The following DMD variants were observed in gnomAD, a reference collection of about 807,000 sequenced individuals.
DMD encodes the protein mutant dystrophin.
A neutral mutation model predicts 330.1 loss-of-function variants in DMD; 63 were observed. The observed-to-expected ratio is 0.19, with a 90% CI of 0.16 to 0.24. The LOEUF is 0.24. Among genes scored for constraint, DMD ranks in the 10% least tolerant of loss-of-function variants. The probability of loss-of-function intolerance (pLI) is 1.00; values close to 1 mark genes in which losing one functional copy is unlikely to be tolerated. For missense variants in DMD, 3,344 were observed against 2,684.1 expected (o/e 1.25, Z -5.43); for synonymous variants, 1,223 against 959.8 (o/e 1.27, Z -5.07).
intron 62 of DMD, among the ~76,000 whole-genome samples, chrX:31,317,592 T>C (rs761294508): frequency 2.8e-5 from 3 of 105,885 alleles, no homozygotes; most frequent in Non-Finnish European, 5.8e-5. Flanking sequence ...GTCCACTGCA[T>C]GCTCCGCTTC....
At chrX:33,096,116 A>G (rs2095158917) in intron 1 of DMD, among the ~76,000 whole-genome samples, 1 of 108,595 alleles carries the variant, frequency 9.2e-6, no homozygotes, top group Admixed American at 9.9e-5. Flanking sequence ...CTGGGTCTAC[A>G]GGCGCCTGCC....
At position 32,390,116 on chromosome X, in the gene DMD, C is replaced by G. The variant is rs1174990294; in HGVS notation, c.4299G>C (p.Gly1433=). 1 of 1,208,944 alleles carries G rather than the reference C, an allele frequency of 8.3e-7. No homozygotes were observed. Among genetic ancestry groups the G allele is most frequent in the African/African-American group, 1.8e-5 (1 of 57,131 alleles). The stretch of plus-strand genomic sequence containing the variant: ...ACAGGACTCTTTGGGCAGCCTCCTT[C>G]CCCTGATTATGTTTCTTCATTTCTT... ...SLEEMKKHNQ[G]KEAAQRVLSQ... Residue 1433 remains glycine, a synonymous_variant, in exon 31 of 79, where the codon GGG becomes GGC. Coordinates refer to ENST00000357033, the MANE Select transcript of DMD (RefSeq NM_004006.3).
intron 55 of DMD, among the ~76,000 whole-genome samples, chrX:31,545,673 T>C (rs1282319082): frequency 1.8e-5 from 2 of 111,973 alleles, no homozygotes; most frequent in Non-Finnish European, 3.8e-5. Context: ...TTGACTGCTC[T>C]GGACTTTACC....
intron 1 of DMD, among the ~76,000 whole-genome samples, chrX:33,059,848 C>A (rs2094561550): frequency 8.9e-6 from 1 of 111,769 alleles, no homozygotes; most frequent in Non-Finnish European, 1.9e-5. Flanking sequence ...CCCTTCATTT[C>A]ATATTTTTAT....
intron 2 of DMD, among the ~76,000 whole-genome samples, chrX:32,985,496 C>A (rs1160233474): frequency 9.0e-6 from 1 of 110,752 alleles, no homozygotes; most frequent in Non-Finnish European, 1.9e-5. Flanking sequence ...TTTCTGAATA[C>A]CTACCATAAC....
chrX:32,667,548 G>A (rs897358541), intron 9 of DMD, among the ~76,000 whole-genome samples: 1 of 111,146 alleles, frequency 9.0e-6, no homozygotes, highest in Non-Finnish European at 1.9e-5. Context: ...CATTCTTCTA[G>A]TTTTATGGAG....
intron 45 of DMD, among the ~76,000 whole-genome samples, chrX:31,953,408 A>G (rs1352413145): frequency 8.9e-6 from 1 of 112,400 alleles, no homozygotes; most frequent in Admixed American, 9.4e-5. Flanking sequence ...TTCTACCTTG[A>G]TAGAACTATT....
At chrX:33,229,750 G>C (rs767618189) in intron 1 of DMD, among the ~76,000 whole-genome samples, 2 of 111,499 alleles carry the variant, frequency 1.8e-5, no homozygotes, top group South Asian at 7.4e-4. Flanking sequence ...TATCAGGCTT[G>C]TACTTTTCCG....
chrX:31,314,779 A>AGAGAGAGAGAGAGAGTGT lies in DMD; in HGVS notation c.9224+8818_9224+8819insACACTCTCTCTCTCTCTC, dbSNP rs1225831523. Among the ~76,000 whole-genome samples, 217 of 93,438 alleles carry AGAGAGAGAGAGAGAGTGT rather than the reference A, an allele frequency of 2.3e-3. 1 individual carries two copies. Among genetic ancestry groups the AGAGAGAGAGAGAGAGTGT allele is most frequent in the Non-Finnish European group, 3.9e-3 (186 of 48,028 alleles). 81.1% of individuals were successfully genotyped at this position (93,438 alleles called of 115,157 possible). A position where few individuals can be genotyped will look rare whatever the true frequency, so the allele number is the denominator to read the frequency against. ...GAGAGAGAGAGAGAGAGAGAGAGAG[A>AGAGAGAGAGAGAGAGTGT]GTGTTTTACCGTGTTAACATTTTTC... On this transcript the variant is annotated intron_variant, in intron 62 of 78. Transcript: ENST00000357033.
intron 55 of DMD, among the ~76,000 whole-genome samples, chrX:31,581,325 C>A (rs1403934912): frequency 8.0e-5 from 9 of 112,079 alleles, no homozygotes; most frequent in African/African-American, 2.9e-4. Flanking sequence ...GATTTAATGT[C>A]AAATACACTT....
At position 31,773,724 on chromosome X, in the gene DMD, C is replaced by CTTT. The variant is rs762551529; in HGVS notation, c.7542+233_7542+235dup. Among the ~76,000 whole-genome samples the CTTT allele has an allele frequency of 1.3e-3, 69 of 53,529 alleles. 1 individual carries two copies. The highest frequency in any genetic ancestry group is 3.8e-3 in the African/African-American group (50 of 13,136). 46.5% of individuals were successfully genotyped at this position (53,529 alleles called of 115,157 possible). On this transcript the variant is annotated intron_variant, in intron 51 of 78. Transcript: ENST00000357033. Reference sequence around the variant, plus strand: ...GACAACTATTCTTGTAAGGTTTCTGCTTTTTTTTTTTTTTTTTTTTGTATA... The same window carrying CTTT: ...GACAACTATTCTTGTAAGGTTTCTGCTTTTTTTTTTTTTTTTTTTTTTTGTATA...
chrX:31,643,013 T>A (rs915643486), intron 54 of DMD, among the ~76,000 whole-genome samples: 1 of 111,868 alleles, frequency 8.9e-6, no homozygotes, highest in African/African-American at 3.2e-5. Context: ...TTCCCCCAAG[T>A]ACTTTCGAGA....
At chrX:32,103,349 T>C (rs960672417) in intron 44 of DMD, among the ~76,000 whole-genome samples, 1 of 112,012 alleles carries the variant, frequency 8.9e-6, no homozygotes, top group Non-Finnish European at 1.9e-5. Context: ...ATATTAAATA[T>C]CAAGTGTTAT....
chrX:33,306,643 G>C (rs962406126), intron 1 of DMD, among the ~76,000 whole-genome samples: 1 of 111,065 alleles, frequency 9.0e-6, no homozygotes. Context: ...GTTTGGGTGA[G>C]AGGTGAGAGA....
At chrX:32,027,143 GACACACACACACACGCACGTGCACACAC>G in intron 44 of DMD, among the ~76,000 whole-genome samples, 1 of 72,026 alleles carries the variant, frequency 1.4e-5, no homozygotes, top group South Asian at 7.9e-4. Context: ...TGAGTATTAT[GACACACACACACACGCACGTGCACACAC>G]ACACACACAC....
At chrX:31,825,181 G>C (rs2092866046) in intron 49 of DMD, among the ~76,000 whole-genome samples, 1 of 111,692 alleles carries the variant, frequency 9.0e-6, no homozygotes, top group Non-Finnish European at 1.9e-5. Context: ...TACAAAGACA[G>C]AATACTAAAA....
intron 1 of DMD, among the ~76,000 whole-genome samples, chrX:33,222,915 C>T (rs1253226898): frequency 1.8e-5 from 2 of 112,120 alleles, no homozygotes; most frequent in Non-Finnish European, 3.8e-5. Context: ...GATCTATAGA[C>T]TCAATGTAAT....
chrX:33,316,819 C>A (rs1400508396), intron 1 of DMD, among the ~76,000 whole-genome samples: 3 of 110,767 alleles, frequency 2.7e-5, no homozygotes, highest in East Asian at 2.8e-4. Flanking sequence ...GAAGAATTGA[C>A]ATCTTTACTA....
At chrX:31,389,884 T>C (rs1449725141) in intron 60 of DMD, among the ~76,000 whole-genome samples, 3 of 112,266 alleles carry the variant, frequency 2.7e-5, no homozygotes, top group Non-Finnish European at 5.6e-5. Context: ...CTTCAGCTAA[T>C]GGAATAAATG....
Sources: gnomAD v4.1 joint callset for allele counts (sites outside exome capture counted in the v4.1 genomes callset) on GRCh38, gnomAD v4.1.1 for gene constraint, MANE v1.5 for transcripts, NCBI Gene and HGNC (gene_info 2026-07-23, HGNC 2026-07-21) for gene names.